Variants in GRM7 observed in about 807,000 individuals in gnomAD.
The protein encoded by GRM7 is metabotropic glutamate receptor 7.
GRM7 carries 35 observed loss-of-function variants against 84.5 expected under a neutral mutation model. The observed-to-expected ratio is 0.41, with a 90% confidence interval of 0.32 to 0.55. The LOEUF is 0.55. GRM7 is among the 20% of genes least tolerant of loss of function. The probability of loss-of-function intolerance (pLI) is 0.19; values close to 1 mark genes in which losing one functional copy is unlikely to be tolerated. For synonymous variants in GRM7, 487 were observed against 455.1 expected, an observed-to-expected ratio of 1.07 and a Z score of -0.89; for missense variants, 1,003 against 1,194.6, an observed-to-expected ratio of 0.84 and a Z score of 2.36.
At chr3:7,452,040 A>C (rs1697791693) in intron 5 of GRM7, among the ~76,000 whole-genome samples, 2 of 152,192 alleles carry the variant, frequency 1.3e-5, no homozygotes, top group Non-Finnish European at 2.9e-5. Flanking sequence ...GACACTGTTC[A>C]GTACTTCACA....
intron 4 of GRM7, among the ~76,000 whole-genome samples, chr3:7,385,116 A>G (rs933325848): frequency 2.0e-5 from 3 of 152,064 alleles, no homozygotes; most frequent in Admixed American, 6.6e-5. Flanking sequence ...CAATAACTTG[A>G]TAAGCCTTTC....
chr3:7,451,707 T>G (rs553936954), intron 5 of GRM7: 58 of 152,200 alleles, frequency 3.8e-4, no homozygotes, highest in African/African-American at 1.3e-3. Context: ...ATAAAAAAAA[T>G]TACCTCACAA....
intron 8 of GRM7, among the ~76,000 whole-genome samples, chr3:7,597,305 C>A (rs1696096618): frequency 6.6e-6 from 1 of 152,106 alleles, no homozygotes; most frequent in Non-Finnish European, 1.5e-5. Context: ...AAGACAGCAC[C>A]AAGCCATGAG....
chr3:7,120,230 T>C (rs1693171795), intron 1 of GRM7, among the ~76,000 whole-genome samples: 1 of 152,030 alleles, frequency 6.6e-6, no homozygotes, highest in African/African-American at 2.4e-5. Context: ...TAAAAACCTA[T>C]TAGTCAAGAA....
intron 7 of GRM7, among the ~76,000 whole-genome samples, chr3:7,513,913 A>G (rs747219745): frequency 1.6e-4 from 25 of 152,322 alleles, no homozygotes; most frequent in Non-Finnish European, 2.5e-4. Flanking sequence ...AGCTATTTGC[A>G]TATTTGACTT....
At chr3:7,050,244 T>C (rs969858931) in intron 1 of GRM7, among the ~76,000 whole-genome samples, 2 of 151,894 alleles carry the variant, frequency 1.3e-5, no homozygotes, top group African/African-American at 2.4e-5. Context: ...ATAGAAGACT[T>C]GTTTTAATGG....
chr3:7,259,953 G>GT (rs1164961076), intron 2 of GRM7, among the ~76,000 whole-genome samples: 1,140 of 89,648 alleles, frequency 0.013, 72 homozygotes, highest in Non-Finnish European at 0.017. Flanking sequence ...ACCAGCATCT[G>GT]TTTTTTTTTT....
intron 4 of GRM7, among the ~76,000 whole-genome samples, chr3:7,386,125 C>T (rs1292941382): frequency 1.2e-4 from 18 of 152,042 alleles, no homozygotes; most frequent in Non-Finnish European, 5.9e-5. Context: ...ATGATTGAGG[C>T]AGGAATTTGA....
At chr3:7,030,645 T>C (rs971621582) in intron 1 of GRM7, among the ~76,000 whole-genome samples, 5 of 152,204 alleles carry the variant, frequency 3.3e-5, no homozygotes, top group African/African-American at 1.2e-4. Flanking sequence ...TTTGATCAAA[T>C]GGATCCTGGA....
chr3:7,330,691 C>CCACCATGA (rs1396737335), intron 4 of GRM7, among the ~76,000 whole-genome samples: 9 of 152,202 alleles, frequency 5.9e-5, no homozygotes, highest in African/African-American at 2.2e-4. Flanking sequence ...ATTTCACCTT[C>CCACCATGA]CACCATGATT....
intron 1 of GRM7, among the ~76,000 whole-genome samples, chr3:7,103,750 CT>C (rs1491142732): frequency 1.9e-4 from 2 of 10,538 alleles, no homozygotes; most frequent in African/African-American, 3.8e-4. Flanking sequence ...CTCTCTCTCC[CT>C]TTCTTTCTTT....
intron 2 of GRM7, among the ~76,000 whole-genome samples, chr3:7,156,112 T>A (rs1312277376): frequency 6.6e-6 from 1 of 152,078 alleles, no homozygotes; most frequent in Non-Finnish European, 1.5e-5. Context: ...AACTAGTGTG[T>A]AGGTTGTGAG....
chr3:7,718,138 A>G (rs1262008816), intron 9 of GRM7, among the ~76,000 whole-genome samples: 1 of 152,146 alleles, frequency 6.6e-6, no homozygotes, highest in Non-Finnish European at 1.5e-5. Context: ...CATCTGCAAA[A>G]TGGGAGAATG....
chr3:7,024,534 G>T (rs1276333622), intron 1 of GRM7, among the ~76,000 whole-genome samples: 2 of 152,242 alleles, frequency 1.3e-5, no homozygotes, highest in Non-Finnish European at 2.9e-5. Flanking sequence ...AAATTTCTGG[G>T]CACAGAGAGG....
At chr3:6,897,483 C>T (rs3888880) in intron 1 of GRM7, among the ~76,000 whole-genome samples, 3,945 of 152,250 alleles carry the variant, frequency 0.026, 174 homozygotes, top group African/African-American at 0.089. Context: ...CTCCACTCAG[C>T]CATTAGAGTG....
intron 1 of GRM7, among the ~76,000 whole-genome samples, chr3:7,102,128 C>A (rs148007855): frequency 1.0e-3 from 156 of 151,664 alleles, no homozygotes; most frequent in Non-Finnish European, 1.7e-3. Context: ...ACTTATTTAC[C>A]ATTTCCATTT....
intron 8 of GRM7, among the ~76,000 whole-genome samples, chr3:7,609,684 G>C (rs1432605935): frequency 6.6e-6 from 1 of 152,070 alleles, no homozygotes; most frequent in East Asian, 1.9e-4. Flanking sequence ...GAGGAGAGGG[G>C]ACAGTGGATG....
At chr3:7,040,446 G>A (rs912002665) in intron 1 of GRM7, among the ~76,000 whole-genome samples, 2 of 151,984 alleles carry the variant, frequency 1.3e-5, no homozygotes, top group African/African-American at 4.8e-5. Flanking sequence ...GGGACTACAG[G>A]TGCCTGCCAC....
At chr3:7,581,482 T>C (rs1695248828) in intron 8 of GRM7, among the ~76,000 whole-genome samples, 2 of 152,156 alleles carry the variant, frequency 1.3e-5, no homozygotes, top group African/African-American at 2.4e-5. Context: ...CATCCACTTA[T>C]AGGCATATGG....
Sources: gnomAD v4.1 joint callset for allele counts (sites outside exome capture counted in the v4.1 genomes callset) on GRCh38, gnomAD v4.1.1 for gene constraint, MANE v1.5 for transcripts, NCBI Gene and HGNC (gene_info 2026-07-23, HGNC 2026-07-21) for gene names.